The following SPAG1 variants were observed in gnomAD, a reference collection of about 807,000 sequenced individuals.
SPAG1 encodes sperm-associated antigen 1.
In SPAG1, 69 loss-of-function variants were observed where a neutral mutation model predicts 100.5. That is an observed-to-expected ratio of 0.69 (90% CI 0.57 to 0.84). SPAG1 has a LOEUF of 0.84. Among genes scored for constraint, SPAG1 ranks in the 40% least tolerant of loss-of-function variants. SPAG1 has a pLI of 0.00. For synonymous variants in SPAG1, 336 were observed against 411.6 expected, an observed-to-expected ratio of 0.82 and a Z score of 2.22; for missense variants, 955 against 1,133.1, an observed-to-expected ratio of 0.84 and a Z score of 2.26.
chr8:100,160,141 A>G (rs1247967897), intron 1 of SPAG1, among the ~76,000 whole-genome samples: 1 of 152,246 alleles, frequency 6.6e-6, no homozygotes, highest in Non-Finnish European at 1.5e-5. Flanking sequence ...TAGCATTAGC[A>G]GCAGTATCTT....
intron 12 of SPAG1, among the ~76,000 whole-genome samples, chr8:100,216,674 A>G (rs923318307): frequency 6.6e-6 from 1 of 152,196 alleles, no homozygotes; most frequent in Non-Finnish European, 1.5e-5. Context: ...GTTTTCTTTG[A>G]TAGCTGGCCT....
chr8:100,170,818 TTTATTTATTTA>T (rs1815786421), intron 3 of SPAG1, among the ~76,000 whole-genome samples: 1 of 147,866 alleles, frequency 6.8e-6, no homozygotes, highest in Non-Finnish European at 1.5e-5. Flanking sequence ...TATTTATTTA[TTTATTTATTTA>T]TTTATTTATT....
At chr8:100,198,003 A>G (rs1221741479) in intron 10 of SPAG1, among the ~76,000 whole-genome samples, 1 of 152,090 alleles carries the variant, frequency 6.6e-6, no homozygotes, top group East Asian at 1.9e-4. Context: ...TCTAGTAGAG[A>G]TCATTTAGAA....
At chr8:100,214,033 G>A (rs1817860126) in intron 12 of SPAG1, 115 bp downstream of exon 12, 7 of 581,298 alleles carry the variant, frequency 1.2e-5, no homozygotes, top group East Asian at 2.8e-5. Context: ...AGAGCTTTAT[G>A]GTATGTTAAT....
At chr8:100,184,817 A>C in intron 7 of SPAG1, 84 bp downstream of exon 7, 1 of 746,592 alleles carries the variant, frequency 1.3e-6, no homozygotes, top group Non-Finnish European at 2.2e-6. Flanking sequence ...AATAAGCGAA[A>C]GTCTATGTCA....
intron 12 of SPAG1, among the ~76,000 whole-genome samples, chr8:100,216,905 T>C (rs1339083710): frequency 6.6e-6 from 1 of 151,754 alleles, no homozygotes; most frequent in Non-Finnish European, 1.5e-5. Flanking sequence ...TTAATTATCT[T>C]TGCTCTTTGG....
At chr8:100,179,893 A>G (rs1816291681) in intron 4 of SPAG1, among the ~76,000 whole-genome samples, 1 of 152,246 alleles carries the variant, frequency 6.6e-6, no homozygotes, top group Non-Finnish European at 1.5e-5. Flanking sequence ...TTTTACTTGA[A>G]ATAATGGTTG....
At chr8:100,211,391 C>T (rs941906014) in intron 10 of SPAG1, among the ~76,000 whole-genome samples, 2 of 152,216 alleles carry the variant, frequency 1.3e-5, no homozygotes, top group Non-Finnish European at 2.9e-5. Flanking sequence ...CACAGTGGCT[C>T]ATGCCTGCAA....
At chr8:100,166,025 G>A in intron 3 of SPAG1, 52 bp downstream of exon 3, 1 of 1,457,496 alleles carries the variant, frequency 6.9e-7, no homozygotes, top group Non-Finnish European at 9.4e-7. Flanking sequence ...TTCTATATAT[G>A]TTTACTTCAC....
At chr8:100,204,986 G>C (rs1398046050) in intron 10 of SPAG1, among the ~76,000 whole-genome samples, 1 of 152,170 alleles carries the variant, frequency 6.6e-6, no homozygotes, top group East Asian at 1.9e-4. Context: ...CTCATGTAGA[G>C]CTCTGGCATT....
chr8:100,194,398 GC>G, intron 10 of SPAG1, 130 bp downstream of exon 10: 1 of 1,297,514 alleles, frequency 7.7e-7, no homozygotes, highest in Admixed American at 2.2e-5. Flanking sequence ...AAATTCACAA[GC>G]CAGTTTCGCT....
chr8:100,222,762 T>C (rs1818340167), intron 13 of SPAG1, among the ~76,000 whole-genome samples: 2 of 152,234 alleles, frequency 1.3e-5, no homozygotes, highest in African/African-American at 4.8e-5. Flanking sequence ...ATAGTTTTTC[T>C]AAAAAATTGA....
rs1816195697 is a variant in SPAG1 at position 100,177,838 on chromosome 8, A to G, written c.323A>G (p.Lys108Arg). ...DIKSWVSEIK[K>R]EEDKMHFHET... ...CAGAGTTGGGTATCAGAAATTAAAA[A>G]AGAAGAAGATAAAATGCACTTTCAT... is the stretch of plus-strand genomic sequence containing the variant. The change falls in exon 4 of 19, where the codon AAA (lysine) becomes AGA (arginine). Residue 108 changes from lysine (K) to arginine (R), a missense_variant. Transcript: ENST00000388798. 2 of 1,545,814 alleles carry G rather than the reference A, an allele frequency of 1.3e-6. No homozygotes were observed. Among genetic ancestry groups the G allele is most frequent in the Admixed American group, 1.7e-5 (1 of 59,292 alleles).
chr8:100,213,094 C>CGCGGAGCCG lies in SPAG1; in HGVS notation c.1106_1114dup (p.Glu369_Ala371dup). 1 of 1,470,832 alleles carries CGCGGAGCCG rather than the reference C, an allele frequency of 6.8e-7. No homozygotes were observed. The allele number at this position is 1,470,832 out of a possible 1,614,324, so 91.1% of individuals were successfully genotyped here. ...CCCGCATCCACTTCCTCACAGAGCC[C>CGCGGAGCCG]GCGGAGCCGGCGGGAGCCGCGCGCG... is the stretch of plus-strand genomic sequence containing the variant. On this transcript the variant is annotated inframe_insertion, in exon 11 of 19. Transcript: ENST00000388798.
intron 14 of SPAG1, among the ~76,000 whole-genome samples, 199 bp from the exon 15 acceptor site, chr8:100,230,957 C>T (rs1312241929): frequency 6.6e-6 from 1 of 152,024 alleles, no homozygotes; most frequent in African/African-American, 2.4e-5. Flanking sequence ...ATAATAGTAT[C>T]ATAATTATAT....
At chr8:100,236,322 TAA>T (rs1393643686) in intron 16 of SPAG1, among the ~76,000 whole-genome samples, 1 of 152,218 alleles carries the variant, frequency 6.6e-6, no homozygotes, top group Non-Finnish European at 1.5e-5. Context: ...AAAAAATGTT[TAA>T]GAGAGACAGG....
At chr8:100,193,026 A>G (rs1816879347) in intron 9 of SPAG1, among the ~76,000 whole-genome samples, 1 of 152,274 alleles carries the variant, frequency 6.6e-6, no homozygotes, top group African/African-American at 2.4e-5. Flanking sequence ...AAGAAAACAT[A>G]GGAGAAAATC....
intron 2 of SPAG1, among the ~76,000 whole-genome samples, chr8:100,162,824 G>A (rs368269272): frequency 2.5e-4 from 38 of 152,160 alleles, no homozygotes; most frequent in Middle Eastern, 3.4e-3. Context: ...CAAAAAATAC[G>A]AAAATTACCT....
At chr8:100,166,419 T>A (rs1414340972) in intron 3 of SPAG1, among the ~76,000 whole-genome samples, 1 of 152,036 alleles carries the variant, frequency 6.6e-6, no homozygotes, top group Non-Finnish European at 1.5e-5. Context: ...CCACCATGCC[T>A]GGCTAATTTT....
Sources: gnomAD v4.1 joint callset for allele counts (sites outside exome capture counted in the v4.1 genomes callset) on GRCh38, gnomAD v4.1.1 for gene constraint, MANE v1.5 for transcripts, NCBI Gene and HGNC (gene_info 2026-07-23, HGNC 2026-07-21) for gene names.